CPPED1: variants seen among roughly 807,000 people sequenced by gnomAD.
CPPED1 encodes serine/threonine-protein phosphatase CPPED1.
Under a neutral mutation model 28.0 loss-of-function variants are expected in CPPED1, and 28 were observed. The observed-to-expected ratio is 1.00, with a 90% CI of 0.74 to 1.37. The LOEUF is 1.37. Among genes scored for constraint, CPPED1 ranks in the 40% most tolerant of loss-of-function variants. CPPED1 has a pLI of 0.00. For synonymous variants in CPPED1, 198 were observed against 180.2 expected, an observed-to-expected ratio of 1.10 and a Z score of -0.79; for missense variants, 504 against 416.5, an observed-to-expected ratio of 1.21 and a Z score of -1.83.
At chr16:12,694,043 T>C (rs1184529173) in intron 3 of CPPED1, among the ~76,000 whole-genome samples, 1 of 152,094 alleles carries the variant, frequency 6.6e-6, no homozygotes, top group Non-Finnish European at 1.5e-5. Flanking sequence ...CTATAGCTTC[T>C]AAAAATACAA....
At chr16:12,696,523 C>T (rs1174099960) in intron 3 of CPPED1, among the ~76,000 whole-genome samples, 2 of 150,850 alleles carry the variant, frequency 1.3e-5, no homozygotes, top group Non-Finnish European at 2.9e-5. Context: ...TCACTGCAAC[C>T]TCCGCCTTCC....
chr16:12,664,775 A>C lies in CPPED1; in HGVS notation c.*111T>G. The stretch of plus-strand genomic sequence containing the variant: ...TTTATGCAAAAGGACATAAATTCAC[A>C]AACCTGCCTGGGCTATTTTTATATT... On this transcript the variant is annotated 3_prime_UTR_variant, in exon 4 of 4. Transcript: ENST00000381774. The surrounding 1 kb of genome is among the most constrained non-coding windows in gnomAD (Gnocchi z 4.2). The C allele has an allele frequency of 6.6e-7, 1 of 1,524,072 alleles. No individual in the cohort carries two copies. The highest frequency in any genetic ancestry group is 8.7e-7 in the Non-Finnish European group (1 of 1,144,996). The allele number at this position is 1,524,072 out of a possible 1,614,324, so 94.4% of individuals were successfully genotyped here. A position where few individuals can be genotyped will look rare whatever the true frequency, so the allele number is the denominator to read the frequency against.
intron 3 of CPPED1, among the ~76,000 whole-genome samples, chr16:12,669,560 T>C (rs1021341335): frequency 6.6e-6 from 1 of 152,158 alleles, no homozygotes; most frequent in South Asian, 2.1e-4. Flanking sequence ...AACAACGGAT[T>C]AGAGTTGGAG....
chr16:12,729,419 C>G (rs1596462651), intron 2 of CPPED1, among the ~76,000 whole-genome samples: 1 of 152,116 alleles, frequency 6.6e-6, no homozygotes, highest in East Asian at 1.9e-4. Flanking sequence ...TTTGCAAACT[C>G]AAGAAAAAAA....
intron 1 of CPPED1, among the ~76,000 whole-genome samples, chr16:12,785,279 T>C (rs2141241267): frequency 6.6e-6 from 1 of 152,334 alleles, no homozygotes; most frequent in East Asian, 1.9e-4. Flanking sequence ...AGATGGGGTC[T>C]GGCTTTGTCA....
intron 2 of CPPED1, among the ~76,000 whole-genome samples, chr16:12,737,656 T>C (rs891712171): frequency 1.3e-5 from 2 of 152,178 alleles, no homozygotes; most frequent in Non-Finnish European, 2.9e-5. Context: ...CAGCTTACTC[T>C]TGCCCCCCTG....
intron 1 of CPPED1, among the ~76,000 whole-genome samples, chr16:12,803,506 G>C (rs989300769): frequency 1.3e-5 from 2 of 152,242 alleles, no homozygotes; most frequent in African/African-American, 2.4e-5. Flanking sequence ...TCCTAGACCA[G>C]ATCGCTCTCT....
chr16:12,788,138 T>C (rs2080575367), intron 1 of CPPED1, among the ~76,000 whole-genome samples: 1 of 152,224 alleles, frequency 6.6e-6, no homozygotes, highest in African/African-American at 2.4e-5. Context: ...GCAGAGGGTC[T>C]GCTAGCAAAT....
At chr16:12,753,490 T>C (rs2080344304) in intron 2 of CPPED1, 1 of 152,298 alleles carries the variant, frequency 6.6e-6, no homozygotes, top group Non-Finnish European at 1.5e-5. Context: ...GCGGTCCCAG[T>C]GATGGCAAAA....
At chr16:12,665,224 CCAT>C (rs1596435414) in intron 3 of CPPED1, 109 bp from the exon 4 acceptor site, 5 of 909,582 alleles carry the variant, frequency 5.5e-6, no homozygotes, top group East Asian at 3.0e-5. Flanking sequence ...TATTATTATA[CCAT>C]CATGTAGAAT....
intron 2 of CPPED1, among the ~76,000 whole-genome samples, chr16:12,747,155 C>A (rs1193837906): frequency 1.3e-5 from 2 of 151,488 alleles, no homozygotes; most frequent in East Asian, 3.9e-4. Flanking sequence ...TAAGGCCGGG[C>A]ATGGTGGCTC....
chr16:12,668,762 C>G (rs567725016), intron 3 of CPPED1, among the ~76,000 whole-genome samples: 4 of 152,174 alleles, frequency 2.6e-5, no homozygotes, highest in Non-Finnish European at 5.9e-5. Context: ...TAGGGAAATG[C>G]GATTAGCGAC....
At chr16:12,681,834 T>G (rs2079906496) in intron 3 of CPPED1, among the ~76,000 whole-genome samples, 1 of 152,112 alleles carries the variant, frequency 6.6e-6, no homozygotes, top group Non-Finnish European at 1.5e-5. Context: ...TGCATCCGAC[T>G]TAGAATCAGA....
intron 2 of CPPED1, among the ~76,000 whole-genome samples, chr16:12,765,838 C>G (rs941692515): frequency 2.0e-5 from 3 of 152,138 alleles, no homozygotes; most frequent in African/African-American, 7.2e-5. Flanking sequence ...GCGCCATTTT[C>G]CAACCTCTCA....
intron 2 of CPPED1, among the ~76,000 whole-genome samples, chr16:12,734,254 G>T (rs12185201): frequency 6.6e-6 from 1 of 151,822 alleles, no homozygotes; most frequent in Non-Finnish European, 1.5e-5. Flanking sequence ...ATATTTAGTA[G>T]AAACGGGGCT....
At chr16:12,692,099 C>G (rs541843348) in intron 3 of CPPED1, among the ~76,000 whole-genome samples, 1 of 152,120 alleles carries the variant, frequency 6.6e-6, no homozygotes, top group Non-Finnish European at 1.5e-5. Context: ...AGTGATCTGC[C>G]TGCCTCGGCC....
chr16:12,673,593 G>A (rs995070272), intron 3 of CPPED1, among the ~76,000 whole-genome samples: 8 of 152,110 alleles, frequency 5.3e-5, no homozygotes, highest in East Asian at 1.9e-4. Context: ...CTCTCAGAGC[G>A]GGTCTCCCCA....
At chr16:12,740,539 C>A (rs2080249856) in intron 2 of CPPED1, among the ~76,000 whole-genome samples, 1 of 152,068 alleles carries the variant, frequency 6.6e-6, no homozygotes, top group Non-Finnish European at 1.5e-5. Context: ...TCCTTGCACT[C>A]ATGGAGTTTA....
intron 3 of CPPED1, among the ~76,000 whole-genome samples, chr16:12,688,464 G>A (rs963879114): frequency 4.0e-5 from 6 of 151,144 alleles, no homozygotes; most frequent in African/African-American, 7.3e-5. Context: ...TCAGCTTCCC[G>A]AGTAGCTGAG....
Sources: allele counts gnomAD v4.1 joint callset (sites outside exome capture counted in the v4.1 genomes callset), GRCh38; gene constraint gnomAD v4.1.1; non-coding constraint Gnocchi (gnomAD v3.1); transcripts MANE v1.5; gene names NCBI Gene and HGNC (gene_info 2026-07-23, HGNC 2026-07-21).